The following MUSK variants were observed in gnomAD, a reference collection of about 807,000 sequenced individuals.
MUSK encodes muscle, skeletal receptor tyrosine-protein kinase.
In MUSK, 55 loss-of-function variants were observed where a neutral mutation model predicts 88.7. The observed-to-expected ratio is 0.62, with a 90% CI of 0.50 to 0.78. The LOEUF (loss-of-function observed/expected upper bound fraction) is 0.78. Among genes scored for constraint, MUSK ranks in the 30% least tolerant of loss-of-function variants. MUSK has a pLI of 0.00. For synonymous variants in MUSK, 387 were observed against 391.9 expected, an observed-to-expected ratio of 0.99 and a Z score of 0.15; for missense variants, 1,015 against 1,074.3, an observed-to-expected ratio of 0.94 and a Z score of 0.77.
intron 14 of MUSK, among the ~76,000 whole-genome samples, chr9:110,789,734 G>A (rs1454655096): frequency 6.6e-6 from 1 of 152,020 alleles, no homozygotes; most frequent in African/African-American, 2.4e-5. Flanking sequence ...AGCCGAGATT[G>A]TGCCATTGCA....
At position 110,681,100 on chromosome 9, in the gene MUSK, A is replaced by AT. The variant is rs1202157671; in HGVS notation, c.80-1574_80-1573insT. 6.8e-4 allele frequency among the ~76,000 whole-genome samples: 13 copies of AT among 19,220 alleles called. 1 individual carries two copies. Among genetic ancestry groups the AT allele is most frequent in the African/African-American group, 3.6e-3 (13 of 3,604 alleles). The allele number at this position is 19,220 out of a possible 152,430, so 12.6% of individuals were successfully genotyped here. On this transcript the variant is annotated intron_variant, in intron 1 of 14. Coordinates refer to ENST00000374448, the MANE Select transcript of MUSK (RefSeq NM_005592.4). ...ATATATTATATAATATATATTATATAATATATATTATATATAATATATATT... is the reference window on the plus strand; with the variant it reads ...ATATATTATATAATATATATTATATATATATATATTATATATAATATATATT...
chr9:110,668,984 GT>G lies in MUSK; in HGVS notation c.79+3del. 1 of 1,612,458 alleles carries G rather than the reference GT, an allele frequency of 6.2e-7. No homozygotes were observed. Among genetic ancestry groups the G allele is most frequent in the Non-Finnish European group, 8.5e-7 (1 of 1,178,586 alleles). On this transcript the variant is annotated splice_donor_variant, in intron 1 of 14. Coordinates refer to ENST00000374448, the MANE Select transcript of MUSK (RefSeq NM_005592.4). LOFTEE classifies it high-confidence loss of function. ...AGCGGAACTGAGAAACTTCCAAAAG[GT>G]TGGTTTGAGCAATCGTGTCTTCTTG...
chr9:110,734,464 C>A, intron 6 of MUSK, 89 bp downstream of exon 6: 1 of 1,541,686 alleles, frequency 6.5e-7, no homozygotes, highest in Non-Finnish European at 8.9e-7. Flanking sequence ...TTACCCAGAT[C>A]TCTGTCATTG....
intron 5 of MUSK, among the ~76,000 whole-genome samples, chr9:110,731,125 A>T (rs1217313532): frequency 6.6e-6 from 1 of 152,122 alleles, no homozygotes. Context: ...GCAAATATTC[A>T]TTGAGTGCCT....
intron 11 of MUSK, among the ~76,000 whole-genome samples, chr9:110,784,221 T>A (rs1487585632): frequency 6.6e-6 from 1 of 152,182 alleles, no homozygotes; most frequent in Non-Finnish European, 1.5e-5. Flanking sequence ...ACATATACAA[T>A]GGACTTTGTA....
At chr9:110,785,088 C>T (rs1042587904) in intron 12 of MUSK, 72 bp downstream of exon 12, 21 of 1,355,086 alleles carry the variant, frequency 1.5e-5, no homozygotes, top group African/African-American at 8.6e-5. Flanking sequence ...GTTGGTATGA[C>T]GTGAGGAATA....
chr9:110,751,373 C>T (rs906334846), intron 7 of MUSK, among the ~76,000 whole-genome samples: 3 of 151,974 alleles, frequency 2.0e-5, no homozygotes, highest in African/African-American at 7.3e-5. Context: ...AGGGAGAGGT[C>T]ATCTTAGATA....
At chr9:110,724,285 G>T (rs2076855337) in intron 5 of MUSK, among the ~76,000 whole-genome samples, 1 of 151,808 alleles carries the variant, frequency 6.6e-6, no homozygotes, top group Non-Finnish European at 1.5e-5. Context: ...ATTTATTATT[G>T]CTTAGCAATT....
chr9:110,698,149 C>G (rs919523159), intron 5 of MUSK, among the ~76,000 whole-genome samples: 1 of 152,160 alleles, frequency 6.6e-6, no homozygotes, highest in Non-Finnish European at 1.5e-5. Context: ...AAAGAACTAT[C>G]AGCACACCTC....
At chr9:110,715,531 C>T (rs894709546) in intron 5 of MUSK, among the ~76,000 whole-genome samples, 3 of 148,752 alleles carry the variant, frequency 2.0e-5, no homozygotes, top group African/African-American at 5.2e-5. Flanking sequence ...AAAAGCCCTG[C>T]AATGGTGTTC....
intron 4 of MUSK, among the ~76,000 whole-genome samples, chr9:110,696,202 G>A (rs4504707): frequency 9.9e-5 from 15 of 151,668 alleles, no homozygotes; most frequent in African/African-American, 2.4e-4. Context: ...ACTTGAACCC[G>A]AGAGGCAGAG....
In MUSK at chr9:110,742,048, C is replaced by T. The variant is rs540219596; in HGVS notation, c.754-5593C>T. ...TGCCTGTTCTTTACCTCTCTAAGAA[C>T]GTTTCAAGTGTCATTTAAAATTTGA... On this transcript the variant is annotated intron_variant, in intron 6 of 14. Transcript: ENST00000374448. Among the ~76,000 whole-genome samples the T allele has an allele frequency of 5.0e-4, 76 of 152,238 alleles. No individual in the cohort carries two copies. The Middle Eastern group carries it at 0.017, about 34-fold the overall frequency.
At chr9:110,680,800 T>C (rs920577539) in intron 1 of MUSK, among the ~76,000 whole-genome samples, 2 of 148,904 alleles carry the variant, frequency 1.3e-5, no homozygotes, top group Non-Finnish European at 3.0e-5. Flanking sequence ...TATATATTGC[T>C]TCTAGGCTGC....
chr9:110,743,874 G>A (rs144230268), intron 6 of MUSK, among the ~76,000 whole-genome samples: 385 of 152,042 alleles, frequency 2.5e-3, no homozygotes, highest in African/African-American at 9.0e-3. Flanking sequence ...CTATGGAAAT[G>A]TCTCTTGGTT....
At chr9:110,686,186 C>G (rs918844576) in intron 2 of MUSK, among the ~76,000 whole-genome samples, 1 of 152,032 alleles carries the variant, frequency 6.6e-6, no homozygotes, top group Non-Finnish European at 1.5e-5. Flanking sequence ...TCCTTGGCCC[C>G]CTACTCCACT....
chr9:110,740,434 A>G (rs771680852), intron 6 of MUSK, among the ~76,000 whole-genome samples: 4 of 152,162 alleles, frequency 2.6e-5, no homozygotes, highest in Admixed American at 1.3e-4. Context: ...GTCTGTGCCT[A>G]CAATGATGAG....
chr9:110,710,530 A>C (rs10980535), intron 5 of MUSK, among the ~76,000 whole-genome samples: 26,853 of 152,146 alleles, frequency 0.18, 3,179 homozygotes, highest in East Asian at 0.51. Context: ...AACATTAACA[A>C]CTGCTCATCT....
chr9:110,696,015 A>G (rs999767401), intron 4 of MUSK, among the ~76,000 whole-genome samples: 1 of 152,104 alleles, frequency 6.6e-6, no homozygotes, highest in African/African-American at 2.4e-5. Flanking sequence ...TGAGTCATGA[A>G]GAGTAGTCAC....
chr9:110,689,263 T>C (rs1172394427), intron 3 of MUSK, among the ~76,000 whole-genome samples: 3 of 119,116 alleles, frequency 2.5e-5, no homozygotes, highest in African/African-American at 6.9e-5. Context: ...TATTTATATA[T>C]TGTATAGTTA....
Sources: gnomAD v4.1 joint callset for allele counts (sites outside exome capture counted in the v4.1 genomes callset) on GRCh38, gnomAD v4.1.1 for gene constraint, MANE v1.5 for transcripts, NCBI Gene and HGNC (gene_info 2026-07-23, HGNC 2026-07-21) for gene names.